Variants in RFFL observed in about 807,000 individuals in gnomAD.
The protein encoded by RFFL is ring finger and FYVE like domain containing E3 ubiquitin protein ligase, also known as E3 ubiquitin-protein ligase rififylin.
Under a neutral mutation model 40.4 loss-of-function variants are expected in RFFL, and 16 were observed. The observed-to-expected ratio is 0.40, with a 90% CI of 0.27 to 0.60. RFFL has a LOEUF of 0.60. Ranked by LOEUF, RFFL falls within the 20% of genes least tolerant of loss-of-function variation. RFFL has a pLI of 0.47. For missense variants in RFFL, 367 were observed against 451.7 expected, an observed-to-expected ratio of 0.81 and a Z score of 1.70; for synonymous variants, 154 against 167.9, an observed-to-expected ratio of 0.92 and a Z score of 0.64.
At chr17:35,061,786 T>C (rs1029505032) in intron 1 of RFFL, among the ~76,000 whole-genome samples, 3 of 151,952 alleles carry the variant, frequency 2.0e-5, no homozygotes, top group African/African-American at 7.3e-5. Context: ...GTTCAAGTGA[T>C]TCTCCTGCTT....
chr17:35,047,395 AC>A (rs1215558095), intron 1 of RFFL, among the ~76,000 whole-genome samples: 1 of 152,226 alleles, frequency 6.6e-6, no homozygotes, highest in Non-Finnish European at 1.5e-5. Context: ...TTTAATTAAA[AC>A]CTGCTACATT....
At chr17:35,075,983 ATTCT>A (rs2091373734) in intron 1 of RFFL, among the ~76,000 whole-genome samples, 1 of 124,700 alleles carries the variant, frequency 8.0e-6, no homozygotes, top group African/African-American at 3.4e-5. Flanking sequence ...CTATCAATTT[ATTCT>A]TTTTTTTTTT....
At chr17:35,030,507 T>A (rs1471992512) in intron 1 of RFFL, among the ~76,000 whole-genome samples, 1 of 152,062 alleles carries the variant, frequency 6.6e-6, no homozygotes, top group African/African-American at 2.4e-5. Flanking sequence ...TTCACCATGT[T>A]AGCCAGGATG....
intron 3 of RFFL, 29 bp from the exon 4 acceptor site, chr17:35,017,635 C>G: frequency 7.0e-7 from 1 of 1,418,628 alleles, no homozygotes; most frequent in Non-Finnish European, 9.9e-7. Flanking sequence ...AACATCACAT[C>G]TAGAGATGTC....
intron 1 of RFFL, 99 bp downstream of exon 1, chr17:35,063,477 A>AAAAC (rs2091305456): frequency 6.4e-6 from 1 of 155,084 alleles, no homozygotes; most frequent in African/African-American, 2.4e-5. Context: ...AAAAAAAAAA[A>AAAAC]AAAAAAAAAA....
intron 3 of RFFL, among the ~76,000 whole-genome samples, chr17:35,019,896 T>C (rs947890879): frequency 6.6e-6 from 1 of 152,232 alleles, no homozygotes; most frequent in African/African-American, 2.4e-5. Context: ...AGTTAAATTA[T>C]GCTATCACAT....
chr17:35,024,471 A>G (rs1228989505), intron 2 of RFFL, among the ~76,000 whole-genome samples: 5 of 152,044 alleles, frequency 3.3e-5, no homozygotes, highest in Admixed American at 3.3e-4. Context: ...CTCCCTCCAA[A>G]ACCGTCAGGG....
chr17:35,041,255 A>G (rs1400261005), intron 1 of RFFL, among the ~76,000 whole-genome samples: 2 of 151,472 alleles, frequency 1.3e-5, no homozygotes, highest in Admixed American at 1.3e-4. Context: ...CTATCCACCT[A>G]TTTCTCCACA....
intron 1 of RFFL, chr17:35,088,975 C>T (rs546839876): frequency 1.3e-5 from 2 of 152,592 alleles, no homozygotes; most frequent in South Asian, 2.1e-4. Context: ...CAGGGAGAGT[C>T]CCAGGCCGCG....
At chr17:35,051,566 A>G (rs991019215) in intron 1 of RFFL, among the ~76,000 whole-genome samples, 4 of 152,252 alleles carry the variant, frequency 2.6e-5, no homozygotes, top group Non-Finnish European at 4.4e-5. Context: ...TGAGTGTCTA[A>G]GACACTTTCT....
At chr17:35,073,675 C>G (rs989364298) in intron 1 of RFFL, among the ~76,000 whole-genome samples, 2 of 151,750 alleles carry the variant, frequency 1.3e-5, no homozygotes, top group Non-Finnish European at 2.9e-5. Context: ...ACATCACTTA[C>G]AAGATGAGGC....
intron 1 of RFFL, among the ~76,000 whole-genome samples, chr17:35,051,358 A>T (rs887063545): frequency 6.6e-6 from 1 of 152,198 alleles, no homozygotes; most frequent in Admixed American, 6.5e-5. Flanking sequence ...CAGCAGACAA[A>T]CACATCCTGT....
chr17:35,054,519 TACTC>T (rs1194958896), intron 1 of RFFL, among the ~76,000 whole-genome samples: 1 of 152,174 alleles, frequency 6.6e-6, no homozygotes, highest in Admixed American at 6.5e-5. Flanking sequence ...ACTGAACTCT[TACTC>T]TATCTTTTAT....
intron 1 of RFFL, among the ~76,000 whole-genome samples, chr17:35,036,129 G>T (rs956101557): frequency 6.6e-6 from 1 of 152,132 alleles, no homozygotes; most frequent in Non-Finnish European, 1.5e-5. Context: ...TTCAGAGGGC[G>T]GAAGGAAAGA....
chr17:35,079,304 G>A (rs117993658), intron 1 of RFFL, among the ~76,000 whole-genome samples: 1,777 of 152,238 alleles, frequency 0.012, 44 homozygotes, highest in East Asian at 0.088. Flanking sequence ...GATTACAGGC[G>A]TGAGCCACCG....
intron 1 of RFFL, among the ~76,000 whole-genome samples, chr17:35,056,670 C>T (rs2142363407): frequency 6.6e-6 from 1 of 152,202 alleles, no homozygotes; most frequent in East Asian, 1.9e-4. Flanking sequence ...AGCCACCATG[C>T]CCAGCCTGGT....
rs1350936371 is a variant in RFFL at position 35,006,318 on chromosome 17, A to C, written c.*5650T>G. 6.4e-6 allele frequency: 1 copy of C among 155,284 alleles called. No individual in the cohort carries two copies. The highest frequency in any genetic ancestry group is 1.9e-4 in the East Asian group (1 of 5,280). The allele number at this position is 155,284 out of a possible 1,614,324, so 9.6% of individuals were successfully genotyped here. A position where few individuals can be genotyped will look rare whatever the true frequency, so the allele number is the denominator to read the frequency against. The stretch of plus-strand genomic sequence containing the variant: ...AAGTTCTTATTTTAATTCAACTTCA[A>C]ATGGTCACATGTCACTAGTGACTAC... On this transcript the variant is annotated 3_prime_UTR_variant, in exon 7 of 7. Coordinates refer to ENST00000394597, the MANE Select transcript of RFFL (RefSeq NM_001017368.2).
rs895428153 is a variant in RFFL, at chr17:35,010,152, G to C, written c.*1816C>G. On this transcript the variant is annotated 3_prime_UTR_variant, in exon 7 of 7. Transcript: ENST00000394597. The stretch of plus-strand genomic sequence containing the variant: ...GATGGAAGAAAGCATAAATATGTCT[G>C]TACCAATGTAATAAGTCCCTTTAGA... 1 of 152,206 alleles carries C rather than the reference G, an allele frequency of 6.6e-6. No homozygotes were observed. Among genetic ancestry groups the C allele is most frequent in the African/African-American group, 2.4e-5 (1 of 41,442 alleles). 9.4% of individuals were successfully genotyped at this position (152,206 alleles called of 1,614,324 possible). A position where few individuals can be genotyped will look rare whatever the true frequency, so the allele number is the denominator to read the frequency against.
chr17:35,075,986 CTTT>C (rs35996071), intron 1 of RFFL, among the ~76,000 whole-genome samples: 1 of 80,024 alleles, frequency 1.2e-5, no homozygotes. Flanking sequence ...TCAATTTATT[CTTT>C]TTTTTTTTTT....
Sources: gnomAD v4.1 joint callset for allele counts (sites outside exome capture counted in the v4.1 genomes callset) on GRCh38, gnomAD v4.1.1 for gene constraint, MANE v1.5 for transcripts, NCBI Gene and HGNC (gene_info 2026-07-23, HGNC 2026-07-21) for gene names.